The following DGKD variants were observed in gnomAD, a reference collection of about 807,000 sequenced individuals.
DGKD encodes the protein DAG kinase delta.
A neutral mutation model predicts 154.4 loss-of-function variants in DGKD; 68 were observed. That is an observed-to-expected ratio of 0.44 (90% CI 0.36 to 0.54). The LOEUF is 0.54. DGKD is among the 20% of genes least tolerant of loss of function. DGKD has a pLI of 0.00. For missense variants in DGKD, 1,343 were observed against 1,593.6 expected (o/e 0.84, Z 2.68); for synonymous variants, 693 against 638.0 (o/e 1.09, Z -1.30).
chr2:233,364,725 CAA>C (rs1701942851), intron 1 of DGKD, among the ~76,000 whole-genome samples: 2 of 151,976 alleles, frequency 1.3e-5, no homozygotes, highest in Non-Finnish European at 2.9e-5. Flanking sequence ...ACAATTGGGA[CAA>C]AGAGAAAGCA....
intron 10 of DGKD, among the ~76,000 whole-genome samples, chr2:233,443,727 C>G (rs2062971652): frequency 6.6e-6 from 1 of 152,228 alleles, no homozygotes; most frequent in Non-Finnish European, 1.5e-5. Context: ...AGTGGTGCCG[C>G]CTGCTGGTGG....
rs1289869319 is a variant in DGKD at position 233,438,383 on chromosome 2, G to A, written c.1085+4G>A. On this transcript the variant is annotated splice_donor_region_variant and intron_variant, in intron 9 of 29. Transcript: ENST00000264057. The surrounding 1 kb of genome is among the most constrained non-coding windows in gnomAD (Gnocchi z 4.1). Reference sequence around the variant, plus strand: ...TGAACGGAGGCCCACACCTCGGGTAGGAAGCTTGTAAAATATATCTTTCTT... The same window carrying A: ...TGAACGGAGGCCCACACCTCGGGTAAGAAGCTTGTAAAATATATCTTTCTT... 3.1e-6 allele frequency: 5 copies of A among 1,604,358 alleles called. No individual in the cohort carries two copies. The highest frequency in any genetic ancestry group is 1.7e-4 in the Middle Eastern group (1 of 6,034).
chr2:233,455,906 G>C (rs895428246), intron 19 of DGKD, among the ~76,000 whole-genome samples: 2 of 152,202 alleles, frequency 1.3e-5, no homozygotes, highest in Non-Finnish European at 2.9e-5. Context: ...AGGGGCCCCA[G>C]GGACATATCC....
chr2:233,457,170 G>A lies in DGKD; in HGVS notation c.2473-51G>A. On this transcript the variant is annotated intron_variant, in intron 20 of 29. Coordinates refer to ENST00000264057, the MANE Select transcript of DGKD (RefSeq NM_152879.3). This position sits in a 1 kb window ranked among gnomAD's most constrained non-coding sequence, Gnocchi z 5.5. Reference sequence around the variant, plus strand: ...GGTGGGAAGCTGGTAGAGAAGGAGGGGCTGACTCATACCTTTCTCTTTTCT... The same window carrying A: ...GGTGGGAAGCTGGTAGAGAAGGAGGAGCTGACTCATACCTTTCTCTTTTCT... 7.0e-7 allele frequency: 1 copy of A among 1,434,684 alleles called. No individual in the cohort carries two copies. The highest frequency in any genetic ancestry group is 2.3e-5 in the East Asian group (1 of 43,734). The allele number at this position is 1,434,684 out of a possible 1,614,324, so 88.9% of individuals were successfully genotyped here.
intron 1 of DGKD, among the ~76,000 whole-genome samples, chr2:233,377,493 T>C (rs565211441): frequency 2.2e-4 from 33 of 152,348 alleles, no homozygotes; most frequent in East Asian, 5.8e-4. Flanking sequence ...TGTATAGTTA[T>C]ATGGTACTCC....
At chr2:233,404,443 G>A (rs2125494283) in intron 3 of DGKD, among the ~76,000 whole-genome samples, 1 of 152,296 alleles carries the variant, frequency 6.6e-6, no homozygotes, top group South Asian at 2.1e-4. Context: ...GGTGCAGTTT[G>A]CCCTTCAGGA....
At chr2:233,419,136 A>T (rs960564149) in intron 3 of DGKD, 8 of 763,270 alleles carry the variant, frequency 1.0e-5, no homozygotes, top group Admixed American at 6.3e-5. Flanking sequence ...CCAGGGCGCC[A>T]GATGCTTATT....
At chr2:233,406,459 C>T (rs780981292) in intron 3 of DGKD, among the ~76,000 whole-genome samples, 4 of 152,066 alleles carry the variant, frequency 2.6e-5, no homozygotes, top group East Asian at 3.9e-4. Context: ...CAAGGTCGAC[C>T]GAGCCCTTCC....
chr2:233,462,818 G>A (rs1182306644), intron 26 of DGKD, 83 bp downstream of exon 26: 19 of 1,221,774 alleles, frequency 1.6e-5, no homozygotes, highest in Non-Finnish European at 2.2e-5. Context: ...ACACAGGGCA[G>A]CACACTTTAG....
chr2:233,450,844 T>G (rs2063259546), intron 16 of DGKD, 78 bp from the exon 17 acceptor site: 2 of 1,539,490 alleles, frequency 1.3e-6, no homozygotes, highest in South Asian at 1.2e-5. Context: ...TCCCACCTGC[T>G]CGTGTCGCTA....
At chr2:233,447,883 T>TA in intron 12 of DGKD, 4 of 1,404,138 alleles carry the variant, frequency 2.8e-6, no homozygotes, top group Non-Finnish European at 3.7e-6. Context: ...ACGAAGCTTT[T>TA]AAAATCTCTC....
chr2:233,439,069 A>G (rs1379562195), intron 9 of DGKD, among the ~76,000 whole-genome samples: 1 of 152,152 alleles, frequency 6.6e-6, no homozygotes, highest in Non-Finnish European at 1.5e-5. Context: ...GTAGTTTTTT[A>G]CTTTTCATAA....
At chr2:233,357,423 A>G (rs1325277792) in intron 1 of DGKD, among the ~76,000 whole-genome samples, 1 of 152,174 alleles carries the variant, frequency 6.6e-6, no homozygotes, top group Non-Finnish European at 1.5e-5. Flanking sequence ...GTGCTCCTCA[A>G]ATTTTAATGT....
intron 3 of DGKD, among the ~76,000 whole-genome samples, chr2:233,394,465 A>C (rs1358470390): frequency 6.6e-6 from 1 of 151,808 alleles, no homozygotes; most frequent in Non-Finnish European, 1.5e-5. Flanking sequence ...GCTGGTCTCA[A>C]ACTCCTGGCA....
rs1291278004 is a variant in DGKD, at chr2:233,432,529, G to T, written c.349-1851G>T. ...AAAAAATTAGCTGGGTGTGGTGGCG[G>T]GCGCCTGTAGTCCCAGCTACTCGGG... On this transcript the variant is annotated intron_variant, in intron 3 of 29. Transcript: ENST00000264057. Among the ~76,000 whole-genome samples the T allele has an allele frequency of 3.3e-5, 5 of 152,186 alleles. No individual in the cohort carries two copies. The East Asian group carries it at 7.7e-4, about 24-fold the overall frequency.
chr2:233,364,138 G>T lies in DGKD; in HGVS notation c.156+9464G>T, dbSNP rs139701239. Among the ~76,000 whole-genome samples, 3 of 152,262 alleles carry T rather than the reference G, an allele frequency of 2.0e-5. No individual in the cohort carries two copies. In the East Asian group the frequency reaches 5.8e-4, roughly 29 times the overall value. On this transcript the variant is annotated intron_variant, in intron 1 of 29. Coordinates refer to ENST00000264057, the MANE Select transcript of DGKD (RefSeq NM_152879.3). The stretch of plus-strand genomic sequence containing the variant: ...AAGAATGACAGCTGTGTTCTTAACA[G>T]AAATAATGGAAACCAAAAGTCTATT...
rs746517114 is a variant in DGKD at position 233,446,837 on chromosome 2, T to C, written c.1419+41T>C. The stretch of plus-strand genomic sequence containing the variant: ...TCTTCACACCCTGCTCGCATGCTGA[T>C]GTGATCAGAACTGTCCTGTCAGCGG... On this transcript the variant is annotated intron_variant, in intron 12 of 29. Transcript: ENST00000264057. 7.5e-6 allele frequency: 12 copies of C among 1,609,658 alleles called. No individual in the cohort carries two copies. The Admixed American group carries it at 1.5e-4, about 20-fold the overall frequency.
chr2:233,378,257 C>CA (rs1702693192), intron 1 of DGKD, among the ~76,000 whole-genome samples: 1 of 151,882 alleles, frequency 6.6e-6, no homozygotes, highest in Non-Finnish European at 1.5e-5. Context: ...TACTAAAATA[C>CA]AAAAATTAGC....
intron 1 of DGKD, among the ~76,000 whole-genome samples, chr2:233,384,982 G>T (rs1196199905): frequency 2.6e-5 from 4 of 152,106 alleles, no homozygotes; most frequent in African/African-American, 9.7e-5. Context: ...GTACACATCC[G>T]CCTTCCTCTG....
Sources: allele counts gnomAD v4.1 joint callset (sites outside exome capture counted in the v4.1 genomes callset), GRCh38; gene constraint gnomAD v4.1.1; non-coding constraint Gnocchi (gnomAD v3.1); transcripts MANE v1.5; gene names NCBI Gene and HGNC (gene_info 2026-07-23, HGNC 2026-07-21).